Variants in PTPRN2 observed in about 807,000 individuals in gnomAD.
PTPRN2 encodes the protein protein tyrosine phosphatase receptor type N2.
PTPRN2 carries 74 observed loss-of-function variants against 118.8 expected under a neutral mutation model. The ratio of observed to expected loss-of-function variants is 0.62; its 90% CI spans 0.52 to 0.76. The LOEUF is 0.76. Among genes scored for constraint, PTPRN2 ranks in the 30% least tolerant of loss-of-function variants. PTPRN2 has a pLI of 0.00. For missense variants in PTPRN2, 1,481 were observed against 1,394.4 expected (o/e 1.06, Z -0.99); for synonymous variants, 641 against 608.0 (o/e 1.05, Z -0.80).
chr7:158,125,711 G>A (rs112490678), intron 9 of PTPRN2, among the ~76,000 whole-genome samples: 4,367 of 152,260 alleles, frequency 0.029, 197 homozygotes, highest in African/African-American at 0.092. Context: ...CAGAGGTGAG[G>A]ACTGCGCTTT....
intron 17 of PTPRN2, among the ~76,000 whole-genome samples, chr7:157,584,265 C>T (rs750754806): frequency 1.2e-4 from 19 of 152,210 alleles, no homozygotes; most frequent in Admixed American, 7.2e-4. Context: ...CCCTTCCTGC[C>T]TGTGTTAGTC....
intron 6 of PTPRN2, among the ~76,000 whole-genome samples, chr7:158,143,624 G>T (rs1191575853): frequency 6.6e-6 from 1 of 152,200 alleles, no homozygotes; most frequent in Admixed American, 6.5e-5. Flanking sequence ...ATGAACACAG[G>T]CTCGGCTGCC....
chr7:158,212,014 C>T (rs747507287), intron 3 of PTPRN2, among the ~76,000 whole-genome samples: 9 of 152,180 alleles, frequency 5.9e-5, no homozygotes, highest in Non-Finnish European at 1.0e-4. Flanking sequence ...TACCTCTACA[C>T]AGTGGAGTAC....
chr7:158,487,344 C>A (rs1436336011), intron 2 of PTPRN2, among the ~76,000 whole-genome samples: 2 of 152,158 alleles, frequency 1.3e-5, no homozygotes, highest in Non-Finnish European at 2.9e-5. Flanking sequence ...TTTTAGGAAA[C>A]CACCATACTG....
chr7:158,391,372 A>C (rs955145462), intron 2 of PTPRN2, among the ~76,000 whole-genome samples: 1 of 152,074 alleles, frequency 6.6e-6, no homozygotes, highest in Admixed American at 6.6e-5. Flanking sequence ...CCCGAAATCC[A>C]GGTCCGGGCC....
At chr7:158,345,028 A>T (rs977336745) in intron 2 of PTPRN2, among the ~76,000 whole-genome samples, 4 of 152,134 alleles carry the variant, frequency 2.6e-5, no homozygotes, top group Non-Finnish European at 5.9e-5. Context: ...GACACCTGGG[A>T]CCGCAGTGGG....
At chr7:157,816,942 G>A (rs576497802) in intron 12 of PTPRN2, among the ~76,000 whole-genome samples, 1 of 152,338 alleles carries the variant, frequency 6.6e-6, no homozygotes, top group South Asian at 2.1e-4. Flanking sequence ...CTCTCTAACA[G>A]GGGTCCCCAC....
chr7:158,404,281 G>T (rs913792658), intron 2 of PTPRN2, among the ~76,000 whole-genome samples: 3 of 152,216 alleles, frequency 2.0e-5, no homozygotes, highest in African/African-American at 4.8e-5. Flanking sequence ...GAAGACGTCA[G>T]ACCTTTCCTG....
In PTPRN2 at chr7:158,412,974, C is replaced by T. The variant is rs553711115; in HGVS notation, c.163+76761G>A. On this transcript the variant is annotated intron_variant, in intron 2 of 22. Transcript: ENST00000389418. ...GGGCCCATCTCAGCACCCTCCTCAG[C>T]TCCAGGGCCCATCCAGCACCCTCCT... 1.7e-3 allele frequency among the ~76,000 whole-genome samples: 245 copies of T among 147,850 alleles called. 1 individual carries two copies. The highest frequency in any genetic ancestry group is 8.8e-4 in the Non-Finnish European group (59 of 67,088).
intron 2 of PTPRN2, among the ~76,000 whole-genome samples, chr7:158,464,033 G>A (rs74506582): frequency 0.026 from 520 of 19,956 alleles, 59 homozygotes; most frequent in Middle Eastern, 0.14. Context: ...CCTTACCATC[G>A]CCATCATTGC....
intron 1 of PTPRN2, among the ~76,000 whole-genome samples, chr7:158,500,198 A>G (rs1822258722): frequency 6.6e-6 from 1 of 152,186 alleles, no homozygotes; most frequent in Non-Finnish European, 1.5e-5. Flanking sequence ...ATTAGATCCA[A>G]TTGTTACTAC....
intron 2 of PTPRN2, among the ~76,000 whole-genome samples, chr7:158,444,753 A>G (rs1817609288): frequency 6.6e-6 from 1 of 152,012 alleles, no homozygotes; most frequent in South Asian, 2.1e-4. Flanking sequence ...CTCCTCACAG[A>G]CCCCAAGACC....
At chr7:157,607,305 C>A (rs988359798) in intron 15 of PTPRN2, among the ~76,000 whole-genome samples, 1 of 152,230 alleles carries the variant, frequency 6.6e-6, no homozygotes, top group Non-Finnish European at 1.5e-5. Context: ...AGGCTGTGGT[C>A]AGAGGTGCTG....
At chr7:158,062,900 G>A (rs572527518) in intron 11 of PTPRN2, among the ~76,000 whole-genome samples, 8 of 152,300 alleles carry the variant, frequency 5.3e-5, no homozygotes, top group African/African-American at 1.7e-4. Context: ...GACAAGCGCC[G>A]CCCCCTGCTC....
At chr7:158,329,134 A>C (rs796891485) in intron 2 of PTPRN2, among the ~76,000 whole-genome samples, 16 of 152,354 alleles carry the variant, frequency 1.1e-4, no homozygotes, top group African/African-American at 3.8e-4. Context: ...GCACGACAGA[A>C]GCCACAGCTT....
chr7:158,414,381 G>A (rs1383929058), intron 2 of PTPRN2, among the ~76,000 whole-genome samples: 1 of 152,182 alleles, frequency 6.6e-6, no homozygotes, highest in African/African-American at 2.4e-5. Context: ...CCAGGAGGGT[G>A]CCCGGGCGGT....
At chr7:158,080,506 G>A (rs1267106312) in intron 11 of PTPRN2, among the ~76,000 whole-genome samples, 1 of 148,514 alleles carries the variant, frequency 6.7e-6, no homozygotes, top group African/African-American at 2.5e-5. Flanking sequence ...CTAAGGTTCT[G>A]TTATGCTTCC....
rs749460475 is a variant in PTPRN2, at chr7:157,595,306, C to T, written c.2428G>A (p.Asp810Asn). The T allele has an allele frequency of 3.1e-6, 5 of 1,614,114 alleles. No individual in the cohort carries two copies. The highest frequency in any genetic ancestry group is 1.6e-4 in the Middle Eastern group (1 of 6,062). ...GCGATGTACGCGGGGTTCCTCGGGT[C>T]GTGATCCATCTGCAGAGACAAGACC... ...YINASPIMDHDPRNPAYIATQ... is the reference protein window; with the variant it reads ...YINASPIMDHNPRNPAYIATQ... The change falls in exon 17 of 23, where the codon GAC (aspartate) becomes AAC (asparagine). Residue 810 changes from aspartate (D) to asparagine (N), a missense_variant. Physicochemically the swap from Asp to Asn is conservative, Grantham distance 23 (BLOSUM62 1). This residue lies in a region of PTPRN2 where 362 missense variants were observed against 384.1 expected (regional missense o/e 0.94). Coordinates refer to ENST00000389418, the MANE Select transcript of PTPRN2 (RefSeq NM_002847.5).
At chr7:157,577,258 T>C (rs1800106730) in intron 18 of PTPRN2, among the ~76,000 whole-genome samples, 1 of 152,198 alleles carries the variant, frequency 6.6e-6, no homozygotes, top group South Asian at 2.1e-4. Context: ...CGCGCTGATG[T>C]GAACCCCAGC....
Sources: allele counts gnomAD v4.1 joint callset (sites outside exome capture counted in the v4.1 genomes callset), GRCh38; gene constraint gnomAD v4.1.1; regional missense constraint gnomAD v4.1.1; transcripts MANE v1.5; gene names NCBI Gene and HGNC (gene_info 2026-07-23, HGNC 2026-07-21).